Variants in SRPRA observed in about 807,000 individuals in gnomAD.
The protein encoded by SRPRA is SRP receptor subunit alpha, also known as signal recognition particle receptor subunit alpha.
SRPRA carries 30 observed loss-of-function variants against 61.1 expected under a neutral mutation model. That is an observed-to-expected ratio of 0.49 (90% CI 0.37 to 0.67). SRPRA has a LOEUF of 0.67. SRPRA is among the 30% of genes least tolerant of loss of function. The pLI, the probability that SRPRA is intolerant of heterozygous loss-of-function variation, is 0.00. For missense variants in SRPRA, 759 were observed against 828.4 expected (o/e 0.92, Z 1.03); for synonymous variants, 324 against 299.7 (o/e 1.08, Z -0.84).
chr11:126,268,790 G>A lies in SRPRA; in HGVS notation c.15C>T (p.Phe5=). The change falls in exon 1 of 14, where the codon TTC becomes TTT. Residue 5 remains phenylalanine (F), a synonymous_variant. Coordinates refer to ENST00000332118, the MANE Select transcript of SRPRA (RefSeq NM_003139.4). MLDF[F]TIFSKGGLVL... is the part of the protein sequence containing the mutation. Reference sequence around the variant, plus strand: ...CAAGCCCGCCCTTGGAGAAAATGGTGAAGAAGTCGAGCATGGCGGCAGCGG... The same window carrying A: ...CAAGCCCGCCCTTGGAGAAAATGGTAAAGAAGTCGAGCATGGCGGCAGCGG... 3 of 1,613,650 alleles carry A rather than the reference G, an allele frequency of 1.9e-6. No individual in the cohort carries two copies. The highest frequency in any genetic ancestry group is 2.2e-5 in the South Asian group (2 of 91,086).
At chr11:126,248,427 ATGGTGCGATCT>A in the SRPRA span, among the ~76,000 whole-genome samples, 15 of 120,884 alleles carry the variant, frequency 1.2e-4, no homozygotes, top group Non-Finnish European at 2.2e-4. Context: ...CTGGAGTGCA[ATGGTGCGATCT>A]TGGCTCACTA....
At chr11:126,261,381 T>G (rs534745682), downstream of SRPRA, 167 of 1,562,276 alleles carry the variant, frequency 1.1e-4, no homozygotes, top group Non-Finnish European at 1.4e-4. Context: ...ATTAATAGTT[T>G]TAGCTTTTCA....
chr11:126,266,534 T>C lies in SRPRA; in HGVS notation c.782A>G (p.Tyr261Cys), dbSNP rs763463999. The change falls in exon 6 of 14, where the codon TAC becomes TGC. Residue 261 changes from tyrosine to cysteine, a missense_variant. Physicochemically the swap from Tyr to Cys is radical, Grantham distance 194 (BLOSUM62 -2). Around this residue, in one of 2 missense-constraint regions of SRPRA, gnomAD observed 475 missense variants for 462.5 expected, o/e 1.03. Transcript: ENST00000332118. The stretch of plus-strand genomic sequence containing the variant: ...GGTTCCATTGGTGGTGGGAGTACTG[T>C]AATCCAACACTTCTTTGTTAGCACA... Reference protein sequence around the residue: ...GGCANKEVLDYSTPTTNGTPE... With the variant: ...GGCANKEVLDCSTPTTNGTPE... 6.2e-7 allele frequency: 1 copy of C among 1,614,204 alleles called. No homozygotes were observed. Among genetic ancestry groups the C allele is most frequent in the South Asian group, 1.1e-5 (1 of 91,088 alleles).
At chr11:126,261,235 G>A (rs896164264), downstream of SRPRA, 22 of 575,014 alleles carry the variant, frequency 3.8e-5, no homozygotes, top group Non-Finnish European at 1.2e-5. Flanking sequence ...TTCCCTGTTA[G>A]GTAATGCAAG....
At chr11:126,256,842 G>C in the SRPRA span, 2 of 1,611,396 alleles carry the variant, frequency 1.2e-6, no homozygotes, top group South Asian at 2.2e-5. The surrounding 1 kb of genome is among the most constrained non-coding windows in gnomAD (Gnocchi z 6.6). Flanking sequence ...TCTCCACAAG[G>C]GGTACATCAG....
chr11:126,247,740 C>T, the SRPRA span, among the ~76,000 whole-genome samples: 1 of 151,650 alleles, frequency 6.6e-6, no homozygotes, highest in African/African-American at 2.4e-5. Flanking sequence ...CACCTGTAAT[C>T]CCAGCTACTC....
At position 126,267,379 on chromosome 11, in the gene SRPRA, A is replaced by G. The variant is rs371312912; in HGVS notation, c.366-44T>C. 16 of 1,605,848 alleles carry G rather than the reference A, an allele frequency of 1.0e-5. No individual in the cohort carries two copies. The African/African-American group carries it at 1.8e-4, about 18-fold the overall frequency. ...GGTTTATCTTTCTACCCCATGCAGA[A>G]GGAAAAATAACGGTCCAGAGAAAGG... On this transcript the variant is annotated intron_variant, in intron 3 of 13. Transcript: ENST00000332118. This position sits in a 1 kb window ranked among gnomAD's most constrained non-coding sequence, Gnocchi z 4.2.
Position 126,265,619 on chromosome 11 carries a change from T to C in SRPRA, c.1138+118A>G. 1 of 1,286,154 alleles carries C rather than the reference T, an allele frequency of 7.8e-7. No homozygotes were observed. Among genetic ancestry groups the C allele is most frequent in the Non-Finnish European group, 1.1e-6 (1 of 910,284 alleles). 79.7% of individuals were successfully genotyped at this position (1,286,154 alleles called of 1,614,324 possible). ...TGAATCCTCTCAATAACCCTTAAAA[T>C]CTAGGTTACAGAGGTTTAGAGGTTA... On this transcript the variant is annotated intron_variant, in intron 9 of 13. Transcript: ENST00000332118. The surrounding 1 kb of genome is among the most constrained non-coding windows in gnomAD (Gnocchi z 6.3).
At position 126,265,500 on chromosome 11, in the gene SRPRA, C is replaced by T. The variant is rs1442172493; in HGVS notation, c.1139-60G>A. ...AACTCAAGGAATGCTCTCAAAAATG[C>T]CTAACACCTTTCTGAGCTAAGGGGA... On this transcript the variant is annotated intron_variant, in intron 9 of 13. Transcript: ENST00000332118. This position sits in a 1 kb window ranked among gnomAD's most constrained non-coding sequence, Gnocchi z 6.3. 6.4e-7 allele frequency: 1 copy of T among 1,560,618 alleles called. No homozygotes were observed. Among genetic ancestry groups the T allele is most frequent in the Non-Finnish European group, 8.7e-7 (1 of 1,149,890 alleles).
the SRPRA span, chr11:126,254,197 A>T: frequency 7.6e-7 from 1 of 1,323,308 alleles, no homozygotes; most frequent in Admixed American, 2.4e-5. Flanking sequence ...ATGAAGCTAG[A>T]GAGTTTATGT....
chr11:126,262,135 C>T (rs559020433), downstream of SRPRA: 186 of 1,613,888 alleles, frequency 1.2e-4, no homozygotes, highest in South Asian at 3.1e-4. Context: ...AGTACATGAG[C>T]GAGCTAGAGA....
chr11:126,247,656 A>G, the SRPRA span, among the ~76,000 whole-genome samples: 1 of 151,956 alleles, frequency 6.6e-6, no homozygotes, highest in Non-Finnish European at 1.5e-5. Flanking sequence ...TCAGAAGTTC[A>G]AGACCAGCCT....
At position 126,266,466 on chromosome 11, in the gene SRPRA, T is replaced by TA. The variant is rs777896542; in HGVS notation, c.840+9dup. 4 of 1,612,566 alleles carry TA rather than the reference T, an allele frequency of 2.5e-6. No individual in the cohort carries two copies. Among genetic ancestry groups the TA allele is most frequent in the Non-Finnish European group, 1.7e-6 (2 of 1,179,108 alleles). ...TGTTAAAGATCACTTTGACCCCTGT[T>TA]ACCTCTTACCAGGTTGATGTCCTCA... On this transcript the variant is annotated intron_variant, in intron 6 of 13. Transcript: ENST00000332118.
rs1950822937 is a variant in SRPRA at position 126,267,010 on chromosome 11, A to C, written c.527-88T>G. On this transcript the variant is annotated intron_variant, in intron 4 of 13. Transcript: ENST00000332118. This position sits in a 1 kb window ranked among gnomAD's most constrained non-coding sequence, Gnocchi z 4.2. ...AAAAGTCTTCCAAATTGTTCAAAGG[A>C]AATTTGGACCAAACATCTTGGAGTT... is the stretch of plus-strand genomic sequence containing the variant. 3.9e-6 allele frequency: 6 copies of C among 1,541,096 alleles called. No homozygotes were observed. Among genetic ancestry groups the C allele is most frequent in the Non-Finnish European group, 5.2e-6 (6 of 1,145,720 alleles).
At chr11:126,246,798 G>A in the SRPRA span, among the ~76,000 whole-genome samples, 1 of 152,228 alleles carries the variant, frequency 6.6e-6, no homozygotes, top group South Asian at 2.1e-4. Context: ...CACTGTTTTA[G>A]ATGAATGGGA....
chr11:126,258,930 T>C (rs941764575), downstream of SRPRA, among the ~76,000 whole-genome samples: 4 of 152,368 alleles, frequency 2.6e-5, no homozygotes, highest in South Asian at 6.2e-4. Flanking sequence ...GAACCTTAAC[T>C]GCTATTGTGG....
the SRPRA span, among the ~76,000 whole-genome samples, chr11:126,248,358 CTTTTTTTT>C: frequency 2.7e-3 from 100 of 36,958 alleles, 1 homozygote; most frequent in South Asian, 0.026. Flanking sequence ...TAGTAGTTGA[CTTTTTTTT>C]TTTTTTTTTT....
chr11:126,240,999 G>A, the SRPRA span: 1 of 1,613,652 alleles, frequency 6.2e-7, no homozygotes, highest in Non-Finnish European at 8.5e-7. Flanking sequence ...ATGAAGACAA[G>A]AACCTGGTCC....
the SRPRA span, among the ~76,000 whole-genome samples, chr11:126,254,798 G>T: frequency 6.6e-6 from 1 of 152,186 alleles, no homozygotes; most frequent in African/African-American, 2.4e-5. Context: ...CTGCACTCCA[G>T]CTTGGGTGAC....
Sources: allele counts gnomAD v4.1 joint callset (sites outside exome capture counted in the v4.1 genomes callset), GRCh38; gene constraint gnomAD v4.1.1; regional missense constraint gnomAD v4.1.1; non-coding constraint Gnocchi (gnomAD v3.1); transcripts MANE v1.5; gene names NCBI Gene and HGNC (gene_info 2026-07-23, HGNC 2026-07-21).